Variants in CMIP observed in about 807,000 individuals in gnomAD.
CMIP encodes C-Maf-inducing protein.
In CMIP, 13 loss-of-function variants were observed where a neutral mutation model predicts 97.3. That is an observed-to-expected ratio of 0.13 (90% confidence interval 0.09 to 0.21). The LOEUF is 0.21. Among genes scored for constraint, CMIP ranks in the 10% least tolerant of loss-of-function variants. The pLI, the probability that CMIP is intolerant of heterozygous loss-of-function variation, is 1.00. For missense variants in CMIP, 847 were observed against 1,024.9 expected, an observed-to-expected ratio of 0.83 and a Z score of 2.37; for synonymous variants, 538 against 436.3, an observed-to-expected ratio of 1.23 and a Z score of -2.91.
intron 1 of CMIP, among the ~76,000 whole-genome samples, chr16:81,537,549 A>C (rs977381409): frequency 0.11 from 11,508 of 104,640 alleles, 729 homozygotes; most frequent in African/African-American, 0.28. Flanking sequence ...AAAAAGACAA[A>C]AAAAAAAAAA....
At chr16:81,531,442 G>A (rs556565549) in intron 1 of CMIP, among the ~76,000 whole-genome samples, 5 of 152,240 alleles carry the variant, frequency 3.3e-5, no homozygotes, top group Non-Finnish European at 7.3e-5. Context: ...TTTATGGTCT[G>A]TTGTTCAGGA....
intron 3 of CMIP, among the ~76,000 whole-genome samples, chr16:81,648,239 C>G (rs985137797): frequency 1.3e-5 from 2 of 151,802 alleles, no homozygotes; most frequent in East Asian, 3.9e-4. Flanking sequence ...GTGGCCAGAG[C>G]CAGTTTTCAT....
chr16:81,586,333 G>A (rs186116670), intron 1 of CMIP, among the ~76,000 whole-genome samples: 272 of 152,228 alleles, frequency 1.8e-3, no homozygotes, highest in Non-Finnish European at 2.6e-3. Context: ...TGCATTGGAG[G>A]TGGTAATTTG....
chr16:81,666,909 A>C (rs188700658), intron 7 of CMIP: 2 of 150,562 alleles, frequency 1.3e-5, no homozygotes, highest in Non-Finnish European at 3.0e-5. Flanking sequence ...ATGCGCCCTG[A>C]TGCTTAATGA....
chr16:81,649,038 T>C (rs2092397746), intron 3 of CMIP, among the ~76,000 whole-genome samples: 1 of 152,148 alleles, frequency 6.6e-6, no homozygotes, highest in South Asian at 2.1e-4. Flanking sequence ...TGCTGTTCCC[T>C]CTCAGATCAG....
At chr16:81,529,560 G>C (rs577457679) in intron 1 of CMIP, among the ~76,000 whole-genome samples, 50 of 152,306 alleles carry the variant, frequency 3.3e-4, no homozygotes, top group African/African-American at 1.2e-3. Context: ...TATGCTGCCT[G>C]CAGGATGAAG....
At chr16:81,465,328 A>G (rs777069387) in intron 1 of CMIP, among the ~76,000 whole-genome samples, 22 of 152,188 alleles carry the variant, frequency 1.4e-4, no homozygotes, top group Non-Finnish European at 2.8e-4. Context: ...TTAGAAACAT[A>G]TATAAACCAG....
Position 81,543,061 on chromosome 16 carries a change from C to T in CMIP, c.301-64506C>T, listed in dbSNP as rs73596424. Among the ~76,000 whole-genome samples, 35 of 152,260 alleles carry T rather than the reference C, an allele frequency of 2.3e-4. 1 individual carries two copies. The highest frequency in any genetic ancestry group is 1.2e-3 in the Admixed American group (18 of 15,302). On this transcript the variant is annotated intron_variant, in intron 1 of 20. Transcript: ENST00000537098. ...CCACGGGGTGCTGGTCTGAGCCCTGCCCGCTGGAGCCCATGAGGTGGCAAG... is the reference window on the plus strand; with the variant it reads ...CCACGGGGTGCTGGTCTGAGCCCTGTCCGCTGGAGCCCATGAGGTGGCAAG...
intron 3 of CMIP, among the ~76,000 whole-genome samples, chr16:81,629,511 A>C (rs1446450807): frequency 1.3e-5 from 2 of 150,752 alleles, no homozygotes; most frequent in Non-Finnish European, 3.0e-5. Flanking sequence ...ACCCCACCCC[A>C]CCTCCGTTTG....
chr16:81,523,742 C>T (rs1222992180), intron 1 of CMIP, among the ~76,000 whole-genome samples: 1 of 152,224 alleles, frequency 6.6e-6, no homozygotes, highest in Non-Finnish European at 1.5e-5. Flanking sequence ...ACCTCGTAGC[C>T]CCTGGTGGAG....
At chr16:81,613,409 C>A (rs577494533) in intron 2 of CMIP, among the ~76,000 whole-genome samples, 92 of 152,322 alleles carry the variant, frequency 6.0e-4, no homozygotes, top group African/African-American at 2.1e-3. Flanking sequence ...TCCTGCCCAA[C>A]TTCCCTGGGC....
At chr16:81,494,641 G>A (rs2089458501) in intron 1 of CMIP, among the ~76,000 whole-genome samples, 1 of 152,240 alleles carries the variant, frequency 6.6e-6, no homozygotes, top group Admixed American at 6.5e-5. Flanking sequence ...GCCCCCCGAT[G>A]CCTCCGCTGA....
chr16:81,461,632 G>A (rs1384580054), intron 1 of CMIP, among the ~76,000 whole-genome samples: 1 of 151,958 alleles, frequency 6.6e-6, no homozygotes, highest in African/African-American at 2.4e-5. Flanking sequence ...GAGCCAGTGG[G>A]ATTTTTTTGA....
chr16:81,599,343 C>T lies in CMIP; in HGVS notation c.301-8224C>T, dbSNP rs1004414933. ...CAAACCGGCCCTTCTAGGATCATAT[C>T]GTTACCTGCCACTTTGCGTTTGCTG... On this transcript the variant is annotated intron_variant, in intron 1 of 20. Transcript: ENST00000537098. 3.9e-5 allele frequency among the ~76,000 whole-genome samples: 6 copies of T among 152,184 alleles called. No homozygotes were observed. The South Asian group carries it at 1.0e-3, about 26-fold the overall frequency.
chr16:81,507,346 C>T (rs938373515), intron 1 of CMIP, among the ~76,000 whole-genome samples: 1 of 152,162 alleles, frequency 6.6e-6, no homozygotes, highest in Non-Finnish European at 1.5e-5. Flanking sequence ...CCTAAAACTA[C>T]GTTTCTCAAA....
chr16:81,507,596 A>G (rs927798434), intron 1 of CMIP, among the ~76,000 whole-genome samples: 1 of 152,244 alleles, frequency 6.6e-6, no homozygotes, highest in Non-Finnish European at 1.5e-5. Context: ...CTTTGTGGGA[A>G]CATCCACTTT....
intron 1 of CMIP, among the ~76,000 whole-genome samples, chr16:81,562,880 C>G (rs2090911206): frequency 6.6e-6 from 1 of 152,212 alleles, no homozygotes; most frequent in African/African-American, 2.4e-5. Context: ...AGGATTTGAA[C>G]TCAGGGCTTT....
chr16:81,580,484 A>G (rs949258017), intron 1 of CMIP, among the ~76,000 whole-genome samples: 1 of 150,760 alleles, frequency 6.6e-6, no homozygotes, highest in African/African-American at 2.4e-5. Context: ...CCCAGGCTGG[A>G]GTGCAGTGGC....
intron 9 of CMIP, among the ~76,000 whole-genome samples, chr16:81,672,674 C>G (rs1193686018): frequency 6.6e-6 from 1 of 152,114 alleles, no homozygotes; most frequent in Non-Finnish European, 1.5e-5. Flanking sequence ...CTCCTGGGCT[C>G]AAGCCGTCCT....
Sources: gnomAD v4.1 joint callset for allele counts (sites outside exome capture counted in the v4.1 genomes callset) on GRCh38, gnomAD v4.1.1 for gene constraint, MANE v1.5 for transcripts, NCBI Gene and HGNC (gene_info 2026-07-23, HGNC 2026-07-21) for gene names.